NCAM2: variants seen among roughly 807,000 people sequenced by gnomAD.
NCAM2 encodes neural cell adhesion molecule 2.
In NCAM2, 30 loss-of-function variants were observed where a neutral mutation model predicts 98.1. The observed-to-expected ratio is 0.31, with a 90% CI of 0.23 to 0.41. The LOEUF (loss-of-function observed/expected upper bound fraction) is 0.41, where lower values mean the gene tolerates loss of function less well. Among genes scored for constraint, NCAM2 ranks in the 10% least tolerant of loss-of-function variants. The probability of loss-of-function intolerance (pLI) is 1.00; values close to 1 mark genes in which losing one functional copy is unlikely to be tolerated. For synonymous variants in NCAM2, 368 were observed against 342.4 expected (o/e 1.07, Z -0.83); for missense variants, 867 against 1,005.8 (o/e 0.86, Z 1.87).
intron 2 of NCAM2, among the ~76,000 whole-genome samples, chr21:21,282,045 T>G (rs1447741072): frequency 2.0e-5 from 3 of 151,908 alleles, no homozygotes; most frequent in Admixed American, 6.6e-5. Flanking sequence ...TATTTGTATA[T>G]TGACAAATGA....
chr21:21,209,291 C>T (rs2069557179), intron 1 of NCAM2, among the ~76,000 whole-genome samples: 2 of 152,178 alleles, frequency 1.3e-5, no homozygotes, highest in South Asian at 4.1e-4. Context: ...TCACAGCTCA[C>T]CACAGCCTCG....
At chr21:21,106,314 C>CAAAAAAAAAGAAAAAAAAAAAAA (rs2066345741) in intron 1 of NCAM2, among the ~76,000 whole-genome samples, 1 of 103,490 alleles carries the variant, frequency 9.7e-6, no homozygotes, top group Non-Finnish European at 1.8e-5. Flanking sequence ...GTCTCAAAAG[C>CAAAAAAAAAGAAAAAAAAAAAAA]AAAAAAAAAA....
chr21:21,057,097 G>A (rs981921988), intron 1 of NCAM2, among the ~76,000 whole-genome samples: 1 of 152,038 alleles, frequency 6.6e-6, no homozygotes, highest in Non-Finnish European at 1.5e-5. Context: ...AGTATTGAAA[G>A]ATTGAAAGAA....
chr21:21,257,531 A>G lies in NCAM2; in HGVS notation c.56-23047A>G, dbSNP rs922798536. On this transcript the variant is annotated intron_variant, in intron 1 of 17. Transcript: ENST00000400546. ...CTAGATTAGACAGTACGAAAAATAA[A>G]CATCAAGAATGTGGAAACTATCATG... Among the ~76,000 whole-genome samples, 10 of 152,340 alleles carry G rather than the reference A, an allele frequency of 6.6e-5. No homozygotes were observed. The South Asian group carries it at 2.1e-3, about 32-fold the overall frequency.
intron 11 of NCAM2, among the ~76,000 whole-genome samples, chr21:21,424,088 A>G (rs897677329): frequency 6.6e-6 from 1 of 152,206 alleles, no homozygotes; most frequent in Non-Finnish European, 1.5e-5. Flanking sequence ...TAACATAATC[A>G]GTTTTATGAT....
At chr21:21,194,629 A>G (rs1166630074) in intron 1 of NCAM2, among the ~76,000 whole-genome samples, 1 of 152,180 alleles carries the variant, frequency 6.6e-6, no homozygotes, top group Non-Finnish European at 1.5e-5. Flanking sequence ...CAGCTATGGT[A>G]TTAAATATGT....
At chr21:21,237,018 C>T (rs1234529282) in intron 1 of NCAM2, among the ~76,000 whole-genome samples, 1 of 152,138 alleles carries the variant, frequency 6.6e-6, no homozygotes, top group Non-Finnish European at 1.5e-5. Context: ...AACCTGCTAA[C>T]GTTAGACTTC....
intron 16 of NCAM2, among the ~76,000 whole-genome samples, chr21:21,516,252 T>C (rs1212766912): frequency 6.6e-6 from 1 of 152,128 alleles, no homozygotes; most frequent in African/African-American, 2.4e-5. Context: ...GAAATAAGAA[T>C]AAAAATCCTT....
In NCAM2 at chr21:21,284,261, G is replaced by T. The variant is rs779822280; in HGVS notation, c.198G>T (p.Arg66Ser). Reference protein sequence around the residue: ...PQGEKIISTQRVVVQKEGVRS... With the variant: ...PQGEKIISTQSVVVQKEGVRS... ...GAGAGAAGATAATTTCAACACAGAGGGTAGTAGTGCAAAAGGAAGGTGTTA... is the reference window on the plus strand; with the variant it reads ...GAGAGAAGATAATTTCAACACAGAGTGTAGTAGTGCAAAAGGAAGGTGTTA... The change falls in exon 3 of 18, where the codon AGG (arginine) becomes AGT (serine). Residue 66 changes from arginine (R) to serine (S), a missense_variant. Coordinates refer to ENST00000400546, the MANE Select transcript of NCAM2 (RefSeq NM_004540.5). The T allele has an allele frequency of 6.2e-7, 1 of 1,612,366 alleles. No homozygotes were observed. Among genetic ancestry groups the T allele is most frequent in the South Asian group, 1.1e-5 (1 of 91,044 alleles).
intron 1 of NCAM2, among the ~76,000 whole-genome samples, chr21:21,274,444 G>C (rs1255124310): frequency 6.6e-6 from 1 of 152,132 alleles, no homozygotes; most frequent in Non-Finnish European, 1.5e-5. Context: ...CAAAATTTCT[G>C]AAATTGTTTG....
At chr21:21,105,994 T>C (rs532454169) in intron 1 of NCAM2, among the ~76,000 whole-genome samples, 34 of 152,214 alleles carry the variant, frequency 2.2e-4, no homozygotes, top group African/African-American at 8.2e-4. Context: ...AATCTATATA[T>C]ATAAGTGTAA....
At chr21:21,371,540 G>A (rs374070780) in intron 8 of NCAM2, among the ~76,000 whole-genome samples, 13 of 151,744 alleles carry the variant, frequency 8.6e-5, no homozygotes, top group South Asian at 2.1e-4. Context: ...TCTTCTGTGC[G>A]TATTCTTGCT....
Position 21,174,846 on chromosome 21 carries a change from A to G in NCAM2, c.56-105732A>G, listed in dbSNP as rs62207656. ...CCAGGGAAGGGTTAACTGAGAGGAT[A>G]TGTTTTGAGCTGAGGAGTGAAGATA... is the stretch of plus-strand genomic sequence containing the variant. On this transcript the variant is annotated intron_variant, in intron 1 of 17. Transcript: ENST00000400546. Among the ~76,000 whole-genome samples the G allele has an allele frequency of 7.4e-3, 1,128 of 152,232 alleles. 9 individuals carry two copies. The highest frequency in any genetic ancestry group is 0.013 in the Non-Finnish European group (893 of 68,002).
At chr21:21,412,488 T>C (rs936352603) in intron 10 of NCAM2, among the ~76,000 whole-genome samples, 1 of 146,474 alleles carries the variant, frequency 6.8e-6, no homozygotes, top group African/African-American at 2.5e-5. Flanking sequence ...CTGCTTTACT[T>C]CATCTTGACA....
intron 9 of NCAM2, among the ~76,000 whole-genome samples, chr21:21,395,715 T>TA (rs1446561097): frequency 2.6e-5 from 4 of 152,198 alleles, no homozygotes; most frequent in African/African-American, 9.6e-5. Flanking sequence ...GCCAAATACT[T>TA]ACAGCCAACT....
chr21:21,298,060 T>C (rs2073557400), intron 5 of NCAM2, among the ~76,000 whole-genome samples: 2 of 151,788 alleles, frequency 1.3e-5, no homozygotes, highest in Non-Finnish European at 2.9e-5. Flanking sequence ...GAATGTATAG[T>C]GCACTTTGTT....
chr21:21,482,422 T>C (rs1985973694), intron 15 of NCAM2, among the ~76,000 whole-genome samples: 1 of 152,118 alleles, frequency 6.6e-6, no homozygotes, highest in African/African-American at 2.4e-5. Flanking sequence ...TCTTAAGTCT[T>C]TTCATTTAAG....
At chr21:21,247,480 T>C (rs2071321192) in intron 1 of NCAM2, among the ~76,000 whole-genome samples, 1 of 152,212 alleles carries the variant, frequency 6.6e-6, no homozygotes, top group African/African-American at 2.4e-5. Flanking sequence ...TCACTAATTA[T>C]GCTTTGGGTG....
chr21:21,173,339 A>AGTT (rs2068181488), intron 1 of NCAM2, among the ~76,000 whole-genome samples: 1 of 152,232 alleles, frequency 6.6e-6, no homozygotes, highest in African/African-American at 2.4e-5. Context: ...ACTTCAGAGC[A>AGTT]GTTGCATTTC....
Sources: gnomAD v4.1 joint callset for allele counts (sites outside exome capture counted in the v4.1 genomes callset) on GRCh38, gnomAD v4.1.1 for gene constraint, MANE v1.5 for transcripts, NCBI Gene and HGNC (gene_info 2026-07-23, HGNC 2026-07-21) for gene names.